Variants in STK39 observed in about 807,000 individuals in gnomAD.
STK39 encodes the protein serine/threonine kinase 39.
Under a neutral mutation model 77.8 loss-of-function variants are expected in STK39, and 20 were observed. That is an observed-to-expected ratio of 0.26 (90% CI 0.18 to 0.37). The LOEUF is 0.37. STK39 is among the 10% of genes least tolerant of loss of function. STK39 has a pLI of 1.00. For synonymous variants in STK39, 246 were observed against 234.1 expected, an observed-to-expected ratio of 1.05 and a Z score of -0.47; for missense variants, 479 against 656.5, an observed-to-expected ratio of 0.73 and a Z score of 2.95.
At chr2:168,027,980 T>A (rs940550434) in intron 14 of STK39, among the ~76,000 whole-genome samples, 2 of 152,126 alleles carry the variant, frequency 1.3e-5, no homozygotes, top group African/African-American at 4.8e-5. Flanking sequence ...CTTCCCTAGC[T>A]ACGAAAAAGA....
chr2:168,038,046 CAG>C (rs948020078), intron 14 of STK39, among the ~76,000 whole-genome samples: 8 of 152,096 alleles, frequency 5.3e-5, no homozygotes, highest in Admixed American at 2.0e-4. Flanking sequence ...AACAAACACA[CAG>C]AGTGAAATAG....
At chr2:167,963,703 A>G (rs1039213294) in intron 17 of STK39, among the ~76,000 whole-genome samples, 4 of 152,168 alleles carry the variant, frequency 2.6e-5, no homozygotes, top group Non-Finnish European at 5.9e-5. Flanking sequence ...TTCTTTTATC[A>G]CACAGCCTAG....
intron 5 of STK39, among the ~76,000 whole-genome samples, chr2:168,146,027 A>G (rs1040743211): frequency 1.9e-4 from 29 of 152,184 alleles, no homozygotes; most frequent in African/African-American, 7.0e-4. Context: ...AACAGAATAA[A>G]ACAATCCAGT....
At chr2:168,024,287 C>G (rs754771559) in intron 14 of STK39, among the ~76,000 whole-genome samples, 4 of 152,178 alleles carry the variant, frequency 2.6e-5, no homozygotes, top group Non-Finnish European at 5.9e-5. Context: ...GAGTTCAAAA[C>G]CACAAACTAC....
At chr2:168,110,140 C>T (rs4668019) in intron 10 of STK39, among the ~76,000 whole-genome samples, 33,685 of 152,030 alleles carry the variant, frequency 0.22, 3,898 homozygotes, top group East Asian at 0.28. Context: ...TTTATCTAAA[C>T]GATTTAAAGT....
intron 8 of STK39, among the ~76,000 whole-genome samples, chr2:168,135,889 A>G (rs967738112): frequency 2.9e-4 from 44 of 152,232 alleles, no homozygotes; most frequent in Non-Finnish European, 2.5e-4. Flanking sequence ...ACCTTAAAAG[A>G]TTAATACTTT....
At chr2:168,039,295 T>C (rs1000007473) in intron 14 of STK39, among the ~76,000 whole-genome samples, 1 of 151,912 alleles carries the variant, frequency 6.6e-6, no homozygotes, top group Non-Finnish European at 1.5e-5. Context: ...ATCCATAGCT[T>C]GAAAAAAGCA....
At chr2:168,139,816 G>A (rs1199790133) in intron 7 of STK39, among the ~76,000 whole-genome samples, 2 of 152,028 alleles carry the variant, frequency 1.3e-5, no homozygotes, top group African/African-American at 4.8e-5. Flanking sequence ...AAACACTGTG[G>A]CTCACTTATA....
intron 7 of STK39, 139 bp from the exon 8 acceptor site, chr2:168,138,360 T>A: frequency 8.2e-7 from 1 of 1,216,460 alleles, no homozygotes; most frequent in Non-Finnish European, 1.1e-6. Context: ...TTTGCAGAAA[T>A]TGTGTATTTA....
At chr2:168,032,894 A>C (rs551869886) in intron 14 of STK39, among the ~76,000 whole-genome samples, 2 of 152,368 alleles carry the variant, frequency 1.3e-5, no homozygotes, top group African/African-American at 4.8e-5. Context: ...CTTTAATTTA[A>C]GAAAATTACT....
intron 5 of STK39, among the ~76,000 whole-genome samples, chr2:168,145,074 A>G (rs773160078): frequency 3.3e-5 from 5 of 152,116 alleles, no homozygotes; most frequent in Admixed American, 6.5e-5. Context: ...AGCTATAACC[A>G]TAATGGTCAT....
rs1158736070 is a variant in STK39, at chr2:168,036,654, G to A, written c.1377-19559C>T. Among the ~76,000 whole-genome samples, 9 of 152,304 alleles carry A rather than the reference G, an allele frequency of 5.9e-5. No individual in the cohort carries two copies. The East Asian group carries it at 1.5e-3, about 26-fold the overall frequency. ...ATCTCTGGCTGGATGAGGTTCAGAG[G>A]AGCAGCACCCATTGCATGCTCAGAA... On this transcript the variant is annotated intron_variant, in intron 14 of 17. Coordinates refer to ENST00000355999, the MANE Select transcript of STK39 (RefSeq NM_013233.3).
intron 7 of STK39, among the ~76,000 whole-genome samples, chr2:168,139,601 T>A (rs1687928108): frequency 6.6e-6 from 1 of 151,974 alleles, no homozygotes; most frequent in Non-Finnish European, 1.5e-5. Context: ...TTAAAATAAA[T>A]CCTCCCAAAT....
At chr2:168,177,809 T>C (rs1441618177) in intron 2 of STK39, among the ~76,000 whole-genome samples, 1 of 152,170 alleles carries the variant, frequency 6.6e-6, no homozygotes, top group East Asian at 1.9e-4. Context: ...GTCAGACCCA[T>C]TGGGCAAATC....
At chr2:168,217,354 C>A (rs1690049378) in intron 1 of STK39, among the ~76,000 whole-genome samples, 1 of 152,136 alleles carries the variant, frequency 6.6e-6, no homozygotes, top group Admixed American at 6.5e-5. Flanking sequence ...AGAAAAAGGC[C>A]AGTATCCGGA....
At chr2:168,004,443 T>G (rs1164362368) in intron 16 of STK39, among the ~76,000 whole-genome samples, 1 of 151,922 alleles carries the variant, frequency 6.6e-6, no homozygotes, top group Non-Finnish European at 1.5e-5. Context: ...TAAAATAAAG[T>G]GACTATGGGC....
Position 168,237,546 on chromosome 2 carries a change from G to C in STK39, c.208+9682C>G, listed in dbSNP as rs968501070. Among the ~76,000 whole-genome samples, 108 of 152,266 alleles carry C rather than the reference G, an allele frequency of 7.1e-4. 1 individual carries two copies. Among genetic ancestry groups the C allele is most frequent in the Non-Finnish European group, 2.5e-4 (17 of 68,036 alleles). ...CCAGTTTTCAAAGGGAATGCTTCCAGTTTTTGCCCATTCAGTATGATATTG... is the reference window on the plus strand; with the variant it reads ...CCAGTTTTCAAAGGGAATGCTTCCACTTTTTGCCCATTCAGTATGATATTG... On this transcript the variant is annotated intron_variant, in intron 1 of 17. Coordinates refer to ENST00000355999, the MANE Select transcript of STK39 (RefSeq NM_013233.3).
intron 16 of STK39, among the ~76,000 whole-genome samples, chr2:168,000,487 TC>T (rs1683971768): frequency 6.6e-6 from 1 of 152,206 alleles, no homozygotes; most frequent in African/African-American, 2.4e-5. Context: ...CCAAATCATG[TC>T]CTCTAACCTG....
chr2:168,036,528 T>G (rs1002122487), intron 14 of STK39, among the ~76,000 whole-genome samples: 1 of 152,188 alleles, frequency 6.6e-6, no homozygotes, highest in Non-Finnish European at 1.5e-5. Flanking sequence ...TTACTGTTTT[T>G]GGGTAAGATT....
Sources: gnomAD v4.1 joint callset for allele counts (sites outside exome capture counted in the v4.1 genomes callset) on GRCh38, gnomAD v4.1.1 for gene constraint, MANE v1.5 for transcripts, NCBI Gene and HGNC (gene_info 2026-07-23, HGNC 2026-07-21) for gene names.